FBN1: variants seen among roughly 807,000 people sequenced by gnomAD.
FBN1 encodes fibrillin 1, also known as fibrillin-1.
In FBN1, 29 loss-of-function variants were observed where a neutral mutation model predicts 365.1. The observed-to-expected ratio is 0.08, with a 90% confidence interval of 0.06 to 0.11. FBN1 has a LOEUF of 0.11. Among genes scored for constraint, FBN1 ranks in the 10% least tolerant of loss-of-function variants. The pLI is 1.00. For synonymous variants in FBN1, 1,210 were observed against 1,270.5 expected (o/e 0.95, Z 1.01); for missense variants, 2,476 against 3,703.2 (o/e 0.67, Z 8.60).
chr15:48,556,352 G>T (rs576116931), intron 6 of FBN1, among the ~76,000 whole-genome samples: 4 of 152,262 alleles, frequency 2.6e-5, no homozygotes, highest in African/African-American at 9.6e-5. Context: ...TGGCAGATTC[G>T]AAATCCAGCC....
intron 2 of FBN1, among the ~76,000 whole-genome samples, chr15:48,618,047 A>G (rs1889690849): frequency 6.6e-6 from 1 of 151,970 alleles, no homozygotes; most frequent in South Asian, 2.1e-4. Flanking sequence ...AATGAGACTG[A>G]CCCTGCTCCA....
intron 41 of FBN1, 108 bp from the exon 42 acceptor site, chr15:48,463,348 T>C (rs1355993931): frequency 9.0e-7 from 1 of 1,115,706 alleles, no homozygotes; most frequent in African/African-American, 1.5e-5. Flanking sequence ...TGAATTGTAT[T>C]GTAGCTTGAC....
chr15:48,567,962 G>A (rs1400821678), intron 6 of FBN1, among the ~76,000 whole-genome samples: 12 of 141,626 alleles, frequency 8.5e-5, no homozygotes, highest in Non-Finnish European at 1.4e-4. Context: ...TCTAACCAGT[G>A]CAATGATGCA....
chr15:48,549,808 A>T (rs967071303), intron 6 of FBN1, among the ~76,000 whole-genome samples: 2 of 152,148 alleles, frequency 1.3e-5, no homozygotes, highest in Non-Finnish European at 2.9e-5. Context: ...GAAAAAAAAA[A>T]ACTCTCCTAG....
intron 6 of FBN1, among the ~76,000 whole-genome samples, chr15:48,574,845 T>C (rs1262828810): frequency 6.6e-6 from 1 of 152,216 alleles, no homozygotes; most frequent in African/African-American, 2.4e-5. Context: ...TTTATGAATA[T>C]CACTGTTGTT....
At chr15:48,414,430 T>G (rs1265739085) in intron 64 of FBN1, among the ~76,000 whole-genome samples, 6 of 152,148 alleles carry the variant, frequency 3.9e-5, no homozygotes, top group Non-Finnish European at 7.3e-5. Flanking sequence ...GAGTACATAA[T>G]GTATATATAT....
At chr15:48,469,704 CAG>C (rs1404620213) in intron 36 of FBN1, among the ~76,000 whole-genome samples, 1 of 152,024 alleles carries the variant, frequency 6.6e-6, no homozygotes, top group Non-Finnish European at 1.5e-5. Context: ...GCCAGAGTAA[CAG>C]AAACGAGATT....
chr15:48,490,161 ACTGC>A, intron 24 of FBN1, 83 bp from the exon 25 acceptor site: 1 of 1,117,690 alleles, frequency 8.9e-7, no homozygotes, highest in Non-Finnish European at 1.3e-6. Context: ...TAGGTAAAAT[ACTGC>A]ACACATAATA....
At position 48,515,445 on chromosome 15, in the gene FBN1, C is replaced by T. The variant is rs1415389865; in HGVS notation, c.1410G>A (p.Gly470=). 1.2e-6 allele frequency: 2 copies of T among 1,614,026 alleles called. No homozygotes were observed. The highest frequency in any genetic ancestry group is 3.3e-5 in the Admixed American group (2 of 60,016). ...CQNGRCIPTP[G]SYRCECNKGF... is the part of the protein sequence containing the mutation. ...CTTTGTTGCACTCACACCGGTAACT[C>T]CCAGGAGTTGGAATGCAGCGTCCAT... Residue 470 remains glycine (G), a synonymous_variant, in exon 12 of 66, where the codon GGG becomes GGA. Transcript: ENST00000316623.
In FBN1 at chr15:48,445,390, C is replaced by T. The variant is rs1380256347; in HGVS notation, c.5903G>A (p.Gly1968Glu). Reference protein sequence around the residue: ...CNEGYEVAPDGRTCVDINECL... With the variant: ...CNEGYEVAPDERTCVDINECL... ...CCTGTACTTACCCACACAGGTCCTC[C>T]CATCTGGAGCCACCTCATAGCCTTC... is the stretch of plus-strand genomic sequence containing the variant. The change falls in exon 48 of 66, where the codon GGG (glycine) becomes GAG (glutamate). Residue 1968 changes from glycine (G) to glutamate (E), a missense_variant. This residue lies in a region of FBN1 where 1,780 missense variants were observed against 2,840.8 expected (regional missense o/e 0.63). Transcript: ENST00000316623. The T allele has an allele frequency of 6.2e-7, 1 of 1,612,676 alleles. No homozygotes were observed. The highest frequency in any genetic ancestry group is 8.5e-7 in the Non-Finnish European group (1 of 1,179,160).
chr15:48,445,478 C>T lies in FBN1; in HGVS notation c.5815G>A (p.Gly1939Arg). ...IDVDECASGN[G>R]NLCRNGQCIN... is the part of the protein sequence containing the mutation. ...CATTGGCCATTTCTGCAAAGATTCCCATTTCCACTTGCACATTCATCAACA... is the reference window on the plus strand; with the variant it reads ...CATTGGCCATTTCTGCAAAGATTCCTATTTCCACTTGCACATTCATCAACA... The change falls in exon 48 of 66, where the codon GGG becomes AGG. Residue 1939 changes from glycine to arginine, a missense_variant. This residue lies in a region of FBN1 where 1,780 missense variants were observed against 2,840.8 expected (regional missense o/e 0.63). Transcript: ENST00000316623. 6.2e-7 allele frequency: 1 copy of T among 1,612,746 alleles called. No homozygotes were observed. The highest frequency in any genetic ancestry group is 8.5e-7 in the Non-Finnish European group (1 of 1,179,070).
At position 48,508,106 on chromosome 15, in the gene FBN1, A is replaced by T. The variant is rs145315550; in HGVS notation, c.1837+476T>A. 1.2e-3 allele frequency among the ~76,000 whole-genome samples: 190 copies of T among 152,332 alleles called. 3 individuals carry two copies. In the East Asian group the frequency reaches 0.033, roughly 26 times the overall value. ...AAGCCGAAATAAATTATCCTTAAAA[A>T]AAATTTCTGTGTCTTAAGATGCCTA... On this transcript the variant is annotated intron_variant, in intron 15 of 65. Coordinates refer to ENST00000316623, the MANE Select transcript of FBN1 (RefSeq NM_000138.5).
intron 6 of FBN1, among the ~76,000 whole-genome samples, chr15:48,576,979 A>G (rs2044352931): frequency 6.6e-6 from 1 of 152,170 alleles, no homozygotes; most frequent in African/African-American, 2.4e-5. Flanking sequence ...TTGCCCTCAT[A>G]TAAGGAATTC....
In FBN1 at chr15:48,472,458, T is replaced by TAA. The variant is rs67860867; in HGVS notation, c.4336+91_4336+92dup. 847 of 1,181,322 alleles carry TAA rather than the reference T, an allele frequency of 7.2e-4. 4 individuals are homozygous for TAA. The African/African-American group carries it at 8.6e-3, about 12-fold the overall frequency. 73.2% of individuals were successfully genotyped at this position (1,181,322 alleles called of 1,614,324 possible). ...AATGAAGCTAAAACACACCTCAGTTTAAAAAAAAAAAAAAAAAAAAGCATC... is the reference window on the plus strand; with the variant it reads ...AATGAAGCTAAAACACACCTCAGTTTAAAAAAAAAAAAAAAAAAAAAAGCATC... On this transcript the variant is annotated intron_variant, in intron 35 of 65. Coordinates refer to ENST00000316623, the MANE Select transcript of FBN1 (RefSeq NM_000138.5).
intron 58 of FBN1, among the ~76,000 whole-genome samples, chr15:48,426,364 A>G (rs1375712053): frequency 1.3e-5 from 2 of 151,994 alleles, no homozygotes; most frequent in Non-Finnish European, 2.9e-5. Context: ...ATCCTGAAAA[A>G]GTTCAAATTA....
intron 6 of FBN1, among the ~76,000 whole-genome samples, chr15:48,586,798 A>T: frequency 6.6e-6 from 1 of 152,244 alleles, no homozygotes; most frequent in East Asian, 1.9e-4. Flanking sequence ...GATTCAAAAC[A>T]TCTATCTAGA....
intron 6 of FBN1, among the ~76,000 whole-genome samples, chr15:48,552,572 A>C (rs1293501626): frequency 6.6e-6 from 1 of 152,054 alleles, no homozygotes; most frequent in African/African-American, 2.4e-5. Context: ...GGCTGGCCTG[A>C]TGACATTTTT....
chr15:48,456,803 A>G (rs1018086091), intron 43 of FBN1, 41 bp from the exon 44 acceptor site: 3 of 1,595,902 alleles, frequency 1.9e-6, no homozygotes, highest in Non-Finnish European at 2.6e-6. Flanking sequence ...AGGACAGCAC[A>G]TGATCCCTGT....
At chr15:48,433,380 C>A (rs2043038902) in intron 54 of FBN1, among the ~76,000 whole-genome samples, 1 of 152,134 alleles carries the variant, frequency 6.6e-6, no homozygotes, top group South Asian at 2.1e-4. Context: ...ATCAGTTTTG[C>A]CCCATTCCGC....
Sources: allele counts gnomAD v4.1 joint callset (sites outside exome capture counted in the v4.1 genomes callset), GRCh38; gene constraint gnomAD v4.1.1; regional missense constraint gnomAD v4.1.1; transcripts MANE v1.5; gene names NCBI Gene and HGNC (gene_info 2026-07-23, HGNC 2026-07-21).